The following RBFOX1 variants were observed in gnomAD, a reference collection of about 807,000 sequenced individuals.
The protein encoded by RBFOX1 is RNA binding protein fox-1 homolog 1.
A neutral mutation model predicts 57.7 loss-of-function variants in RBFOX1; 8 were observed. The observed-to-expected ratio is 0.14, with a 90% CI of 0.08 to 0.25. The LOEUF (loss-of-function observed/expected upper bound fraction) is 0.25, where lower values mean the gene tolerates loss of function less well. Among genes scored for constraint, RBFOX1 ranks in the 10% least tolerant of loss-of-function variants. The pLI, the probability that RBFOX1 is intolerant of heterozygous loss-of-function variation, is 1.00. For missense variants in RBFOX1, 611 were observed against 548.5 expected, an observed-to-expected ratio of 1.11 and a Z score of -1.14; for synonymous variants, 326 against 222.4, an observed-to-expected ratio of 1.47 and a Z score of -4.15.
chr16:5,496,212 A>G (rs546776610), intron 2 of RBFOX1, among the ~76,000 whole-genome samples: 4 of 152,260 alleles, frequency 2.6e-5, no homozygotes, highest in South Asian at 2.1e-4. Context: ...TGCACCTCCA[A>G]TCCCTTTTCT....
intron 4 of RBFOX1, among the ~76,000 whole-genome samples, chr16:7,229,610 G>A: frequency 7.5e-6 from 1 of 133,472 alleles, no homozygotes; most frequent in Non-Finnish European, 1.6e-5. Context: ...AGGAAGGAAG[G>A]AGAAGAAAGA....
At chr16:5,467,174 T>TC in intron 1 of RBFOX1, 1 of 1,264,274 alleles carries the variant, frequency 7.9e-7, no homozygotes, top group East Asian at 2.8e-5. Context: ...TCAATGTTTC[T>TC]TCTCTCTCTC....
intron 2 of RBFOX1, among the ~76,000 whole-genome samples, chr16:6,453,911 G>C (rs1342005584): frequency 6.6e-6 from 1 of 152,204 alleles, no homozygotes; most frequent in Non-Finnish European, 1.5e-5. Context: ...AGACTGTTTG[G>C]CTTAAGCAAT....
intron 2 of RBFOX1, among the ~76,000 whole-genome samples, chr16:6,360,572 C>G (rs2088273882): frequency 6.6e-6 from 1 of 152,204 alleles, no homozygotes; most frequent in Admixed American, 6.5e-5. Flanking sequence ...GCCACTCAGT[C>G]TCATCCAATA....
intron 3 of RBFOX1, among the ~76,000 whole-genome samples, chr16:6,959,165 C>T (rs2082434064): frequency 6.6e-6 from 1 of 152,030 alleles, no homozygotes. Flanking sequence ...GATTGGAAAG[C>T]CTGGGCCTTT....
intron 6 of RBFOX1, among the ~76,000 whole-genome samples, chr16:7,586,672 G>T (rs999730885): frequency 6.6e-6 from 1 of 152,154 alleles, no homozygotes; most frequent in African/African-American, 2.4e-5. Flanking sequence ...TAACAATGTG[G>T]AGAATTATCT....
chr16:6,002,494 A>T (rs1444502458), intron 4 of RBFOX1, among the ~76,000 whole-genome samples: 2 of 152,210 alleles, frequency 1.3e-5, no homozygotes, highest in Non-Finnish European at 2.9e-5. Context: ...TGTTTAAAAC[A>T]GGAAATCTTC....
At chr16:7,069,167 T>G (rs2056801037) in intron 4 of RBFOX1, among the ~76,000 whole-genome samples, 1 of 152,130 alleles carries the variant, frequency 6.6e-6, no homozygotes, top group Admixed American at 6.5e-5. Flanking sequence ...ACCTATATAT[T>G]TTTTAATCCT....
intron 4 of RBFOX1, among the ~76,000 whole-genome samples, chr16:7,128,539 A>G (rs4786138): frequency 0.44 from 66,938 of 152,056 alleles, 16,372 homozygotes; most frequent in East Asian, 0.65. Context: ...TTAGTGAGGT[A>G]GAGATACAGC....
rs548527880 is a variant in RBFOX1 at position 7,406,446 on chromosome 16, G to T, written c.28-111701G>T. On this transcript the variant is annotated intron_variant, in intron 4 of 15. Coordinates refer to ENST00000550418, the MANE Select transcript of RBFOX1 (RefSeq NM_018723.4). Reference sequence around the variant, plus strand: ...TTTCATCCAGTCCCTTCCTTTTACTGTGTCACCCTGTGGCCCAGAGGGTGG... The same window carrying T: ...TTTCATCCAGTCCCTTCCTTTTACTTTGTCACCCTGTGGCCCAGAGGGTGG... Among the ~76,000 whole-genome samples the T allele has an allele frequency of 4.6e-5, 7 of 152,280 alleles. No homozygotes were observed. In the South Asian group the frequency reaches 1.0e-3, roughly 23 times the overall value.
intron 4 of RBFOX1, among the ~76,000 whole-genome samples, chr16:7,513,531 TTGTGGTTCAAGGTAGTCGTA>T (rs2075678493): frequency 6.6e-6 from 1 of 152,172 alleles, no homozygotes; most frequent in African/African-American, 2.4e-5. Flanking sequence ...GGACAGTCTT[TTGTGGTTCAAGGTAGTCGTA>T]TACTCTGTAA....
intron 1 of RBFOX1, among the ~76,000 whole-genome samples, chr16:6,066,278 A>G (rs2095760286): frequency 7.5e-6 from 1 of 133,334 alleles, no homozygotes. Flanking sequence ...CTGACTACAG[A>G]GCAAGACTCT....
intron 3 of RBFOX1, among the ~76,000 whole-genome samples, chr16:6,992,910 C>G (rs890949653): frequency 1.3e-4 from 20 of 151,270 alleles, no homozygotes; most frequent in African/African-American, 4.4e-4. Flanking sequence ...GTGTCATTCA[C>G]AAGGAATTAT....
In RBFOX1 at chr16:7,381,169, G is replaced by A. The variant is rs1050892999; in HGVS notation, c.28-136978G>A. Among the ~76,000 whole-genome samples, 7 of 152,180 alleles carry A rather than the reference G, an allele frequency of 4.6e-5. No homozygotes were observed. In the East Asian group the frequency reaches 5.8e-4, roughly 13 times the overall value. On this transcript the variant is annotated intron_variant, in intron 4 of 15. Transcript: ENST00000550418. Reference sequence around the variant, plus strand: ...TTCTAGATGCTTGAACTTCTCCCACGTTAAACTTAAAACAGCCTCTCATCT... The same window carrying A: ...TTCTAGATGCTTGAACTTCTCCCACATTAAACTTAAAACAGCCTCTCATCT...
chr16:6,465,513 A>G (rs2095027017), intron 2 of RBFOX1, among the ~76,000 whole-genome samples: 1 of 152,094 alleles, frequency 6.6e-6, no homozygotes, highest in South Asian at 2.1e-4. Flanking sequence ...TCTAAAATCT[A>G]CGTAAGAAGT....
Position 6,988,931 on chromosome 16 carries a change from C to G in RBFOX1, c.-15-63126C>G, listed in dbSNP as rs1051732614. On this transcript the variant is annotated intron_variant, in intron 3 of 15. Coordinates refer to ENST00000550418, the MANE Select transcript of RBFOX1 (RefSeq NM_018723.4). ...GGATTACAGGCGCCCACTACCATGC[C>G]TGGCTAATTTTTAGTTGAGATGGGT... Among the ~76,000 whole-genome samples the G allele has an allele frequency of 7.2e-5, 11 of 152,092 alleles. No homozygotes were observed. The East Asian group carries it at 1.7e-3, about 24-fold the overall frequency.
chr16:5,904,124 G>T (rs552688291), intron 4 of RBFOX1, among the ~76,000 whole-genome samples: 81 of 152,230 alleles, frequency 5.3e-4, no homozygotes, highest in Non-Finnish European at 1.1e-3. Flanking sequence ...ATGGGCCTCC[G>T]CAGAGTAATT....
chr16:5,482,793 G>A (rs767834334), intron 2 of RBFOX1, among the ~76,000 whole-genome samples: 6 of 152,158 alleles, frequency 3.9e-5, no homozygotes, highest in Non-Finnish European at 5.9e-5. Flanking sequence ...CTGGGCAAAC[G>A]GCTTTTCCTG....
At chr16:6,351,164 G>C (rs1234862604) in intron 2 of RBFOX1, among the ~76,000 whole-genome samples, 1 of 151,804 alleles carries the variant, frequency 6.6e-6, no homozygotes, top group Non-Finnish European at 1.5e-5. Context: ...TAGCTTACAG[G>C]GAAAGATACA....
Sources: gnomAD v4.1 joint callset for allele counts (sites outside exome capture counted in the v4.1 genomes callset) on GRCh38, gnomAD v4.1.1 for gene constraint, MANE v1.5 for transcripts, NCBI Gene and HGNC (gene_info 2026-07-23, HGNC 2026-07-21) for gene names.